CAST: variants seen among roughly 807,000 people sequenced by gnomAD.
CAST encodes calpastatin, also known as MIR583 host.
In CAST, 76 loss-of-function variants were observed where a neutral mutation model predicts 119.6. That is an observed-to-expected ratio of 0.64 (90% CI 0.53 to 0.77). The LOEUF is 0.77. CAST is among the 30% of genes least tolerant of loss of function. The probability of loss-of-function intolerance (pLI) is 0.00; values close to 1 mark genes in which losing one functional copy is unlikely to be tolerated. For missense variants in CAST, 953 were observed against 946.5 expected, an observed-to-expected ratio of 1.01 and a Z score of -0.09; for synonymous variants, 319 against 331.6, an observed-to-expected ratio of 0.96 and a Z score of 0.41.
chr5:96,354,184 C>A, the CAST span, among the ~76,000 whole-genome samples: 1 of 152,176 alleles, frequency 6.6e-6, no homozygotes, highest in Non-Finnish European at 1.5e-5. Context: ...CAAGTGAGAG[C>A]CCCTGCTCAT....
rs1403319298 is a variant in CAST, at chr5:96,733,238, G to A, written c.630+2378G>A. Among the ~76,000 whole-genome samples, 3 of 152,252 alleles carry A rather than the reference G, an allele frequency of 2.0e-5. No homozygotes were observed. The East Asian group carries it at 5.8e-4, about 29-fold the overall frequency. On this transcript the variant is annotated intron_variant, in intron 9 of 31. Transcript: ENST00000675179. ...GAGACTCATAGCCTCACTCCAGGAA[G>A]ACACAGCACTCTCTTGCACCAATGA...
At chr5:96,656,999 T>A (rs953838545) in intron 1 of CAST, among the ~76,000 whole-genome samples, 2 of 137,824 alleles carry the variant, frequency 1.5e-5, no homozygotes, top group Admixed American at 1.5e-4. Flanking sequence ...AAATGGCACA[T>A]TTCTTTATAC....
At chr5:96,073,496 C>G in the CAST span, among the ~76,000 whole-genome samples, 1 of 152,202 alleles carries the variant, frequency 6.6e-6, no homozygotes, top group Admixed American at 6.5e-5. Flanking sequence ...GATCTGTCCT[C>G]TAAAGCAGCA....
intron 1 of CAST, 69 bp downstream of exon 1, chr5:96,662,566 C>T (rs1397512946): frequency 1.5e-6 from 2 of 1,312,162 alleles, no homozygotes; most frequent in Non-Finnish European, 1.9e-6. Context: ...CTGTGGCCGC[C>T]CTCCCTGGGC....
At chr5:96,392,853 A>G in the CAST span, 1 of 779,050 alleles carries the variant, frequency 1.3e-6, no homozygotes, top group Non-Finnish European at 2.2e-6. Context: ...TCCCCTTCAC[A>G]TGTACAGTTT....
the CAST span, among the ~76,000 whole-genome samples, chr5:96,312,883 C>G: frequency 2.0e-5 from 3 of 151,990 alleles, no homozygotes; most frequent in East Asian, 1.9e-4. Flanking sequence ...CTTAAGTGAC[C>G]TTTTCCTCAG....
the CAST span, among the ~76,000 whole-genome samples, chr5:96,022,332 A>G: frequency 6.6e-6 from 1 of 152,224 alleles, no homozygotes; most frequent in East Asian, 1.9e-4. Flanking sequence ...TCTAATTTCT[A>G]TCATAAACAT....
At chr5:96,717,031 G>T (rs575529280) in intron 3 of CAST, among the ~76,000 whole-genome samples, 4 of 152,122 alleles carry the variant, frequency 2.6e-5, no homozygotes, top group Non-Finnish European at 5.9e-5. Flanking sequence ...TATTAAAACT[G>T]TATCTTATTC....
the CAST span, among the ~76,000 whole-genome samples, chr5:96,071,450 C>T: frequency 3.3e-5 from 5 of 152,232 alleles, no homozygotes; most frequent in South Asian, 2.1e-4. Flanking sequence ...CTCTGCTTCC[C>T]TTTTTTCCAT....
the CAST span, among the ~76,000 whole-genome samples, chr5:96,346,892 C>T: frequency 2.6e-5 from 4 of 152,026 alleles, no homozygotes; most frequent in African/African-American, 9.7e-5. Context: ...TGAGGCACTG[C>T]GGGCAGAAAG....
the CAST span, among the ~76,000 whole-genome samples, chr5:96,492,702 A>G: frequency 6.6e-6 from 1 of 152,256 alleles, no homozygotes; most frequent in African/African-American, 2.4e-5. Flanking sequence ...TCATCACATA[A>G]TGAATGACCA....
the CAST span, among the ~76,000 whole-genome samples, chr5:96,407,889 GGAA>G: frequency 2.0e-5 from 3 of 152,152 alleles, no homozygotes; most frequent in East Asian, 3.9e-4. Flanking sequence ...TAGCTGAGTG[GGAA>G]GAAGATTTGA....
the CAST span, among the ~76,000 whole-genome samples, chr5:96,234,735 T>C: frequency 2.0e-5 from 3 of 152,196 alleles, no homozygotes; most frequent in African/African-American, 7.2e-5. Context: ...CTTTAATGGA[T>C]GTTCCATCCA....
chr5:96,576,553 C>T (rs1287471150), intron 1 of CAST, among the ~76,000 whole-genome samples: 1 of 152,024 alleles, frequency 6.6e-6, no homozygotes, highest in Admixed American at 6.5e-5. Flanking sequence ...CCATGTTGAC[C>T]AGGCTGGTCT....
upstream of CAST, among the ~76,000 whole-genome samples, chr5:96,659,611 C>T (rs1748215169): frequency 6.6e-6 from 1 of 152,182 alleles, no homozygotes; most frequent in East Asian, 1.9e-4. Context: ...TCACTGCAAC[C>T]TCTGCCTCCC....
chr5:96,616,596 A>G (rs1041997614), intron 1 of CAST, among the ~76,000 whole-genome samples: 3 of 152,102 alleles, frequency 2.0e-5, no homozygotes, highest in Non-Finnish European at 4.4e-5. Context: ...CTTTACAGGG[A>G]AGAGAACAGC....
the CAST span, among the ~76,000 whole-genome samples, chr5:96,452,806 C>T: frequency 1.4e-5 from 2 of 145,614 alleles, no homozygotes; most frequent in African/African-American, 2.6e-5. Context: ...AAAAATTAGC[C>T]GGGCGCGGTG....
chr5:96,351,977 T>C, the CAST span, among the ~76,000 whole-genome samples: 1 of 152,126 alleles, frequency 6.6e-6, no homozygotes, highest in Non-Finnish European at 1.5e-5. Flanking sequence ...GTGGGTATTT[T>C]TGTGACTCCT....
the CAST span, among the ~76,000 whole-genome samples, chr5:96,409,042 G>C: frequency 6.6e-6 from 1 of 152,188 alleles, no homozygotes; most frequent in Non-Finnish European, 1.5e-5. Context: ...TCATATGCGA[G>C]ACTTACCCGA....
Sources: gnomAD v4.1 joint callset for allele counts (sites outside exome capture counted in the v4.1 genomes callset) on GRCh38, gnomAD v4.1.1 for gene constraint, MANE v1.5 for transcripts, NCBI Gene and HGNC (gene_info 2026-07-23, HGNC 2026-07-21) for gene names.